Variants in BANF2 observed in about 807,000 individuals in gnomAD.
BANF2 encodes barrier-to-autointegration factor-like protein.
Under a neutral mutation model 8.0 loss-of-function variants are expected in BANF2, and 4 were observed. The observed-to-expected ratio is 0.50, with a 90% CI of 0.25 to 1.14. The LOEUF (loss-of-function observed/expected upper bound fraction) is 1.14, where lower values mean the gene tolerates loss of function less well. BANF2 is among the 50% of genes most tolerant of loss of function. The pLI, the probability that BANF2 is intolerant of heterozygous loss-of-function variation, is 0.16. For missense variants in BANF2, 96 were observed against 107.5 expected (o/e 0.89, Z 0.47); for synonymous variants, 50 against 40.6 (o/e 1.23, Z -0.88).
At chr20:17,702,720 T>C (rs2037427211) in intron 1 of BANF2, among the ~76,000 whole-genome samples, 1 of 152,224 alleles carries the variant, frequency 6.6e-6, no homozygotes, top group Non-Finnish European at 1.5e-5. Context: ...AATGGAATAC[T>C]AAGCCCAAGA....
intron 1 of BANF2, among the ~76,000 whole-genome samples, chr20:17,706,530 G>A (rs966441974): frequency 1.3e-5 from 2 of 152,136 alleles, no homozygotes; most frequent in Non-Finnish European, 2.9e-5. Flanking sequence ...GGCAAATGGG[G>A]CTCAGATATG....
chr20:17,726,188 AT>A (rs1330037024), intron 3 of BANF2, among the ~76,000 whole-genome samples: 1 of 152,070 alleles, frequency 6.6e-6, no homozygotes, highest in Non-Finnish European at 1.5e-5. Flanking sequence ...TTTATTATTT[AT>A]TTATTTATTT....
At chr20:17,695,334 T>C (rs6111617), upstream of BANF2, among the ~76,000 whole-genome samples, 24,370 of 149,972 alleles carry the variant, frequency 0.16, 2,065 homozygotes, top group Middle Eastern at 0.25. Context: ...TGCCTGTAAT[T>C]ACTCGGGAGG....
At position 17,694,473 on chromosome 20, in the gene BANF2, A is replaced by G. The variant is rs111229672; in HGVS notation, c.18+767A>G. Among the ~76,000 whole-genome samples, 442 of 152,238 alleles carry G rather than the reference A, an allele frequency of 2.9e-3. 3 individuals carry two copies. Among genetic ancestry groups the G allele is most frequent in the African/African-American group, 0.01 (417 of 41,528 alleles). ...GGAAGCTGGTGAGGAAGTAGTGCTC[A>G]TGAGCAAGGAGTTAAGAGGTCAGAA... On this transcript the variant is annotated intron_variant, in intron 1 of 2. Coordinates refer to the BANF2 transcript ENST00000545418.
At chr20:17,729,755 G>A (rs1284175720) in intron 3 of BANF2, among the ~76,000 whole-genome samples, 1 of 152,126 alleles carries the variant, frequency 6.6e-6, no homozygotes, top group East Asian at 1.9e-4. Context: ...AAAGGTGGAC[G>A]CTAGTTTGTC....
chr20:17,727,662 G>C (rs891828429), intron 3 of BANF2, among the ~76,000 whole-genome samples: 1 of 152,006 alleles, frequency 6.6e-6, no homozygotes. Context: ...CAGCATCCTG[G>C]GCGGGCAGAT....
upstream of BANF2, among the ~76,000 whole-genome samples, chr20:17,697,873 A>G (rs980196777): frequency 9.9e-5 from 15 of 152,116 alleles, no homozygotes; most frequent in Admixed American, 6.5e-5. Context: ...TGCTGTACTC[A>G]TGATAGTGAG....
chr20:17,733,490 TTAA>T (rs1446080746), intron 3 of BANF2, among the ~76,000 whole-genome samples: 11 of 152,224 alleles, frequency 7.2e-5, no homozygotes, highest in African/African-American at 1.2e-4. Flanking sequence ...TTAATTATTG[TTAA>T]TTATTATTAA....
intron 1 of BANF2, among the ~76,000 whole-genome samples, chr20:17,718,526 A>C (rs886859829): frequency 6.6e-6 from 1 of 152,186 alleles, no homozygotes; most frequent in Non-Finnish European, 1.5e-5. Flanking sequence ...CCAATGGTGG[A>C]AGAGATGTCC....
intron 2 of BANF2, 88 bp from the exon 3 acceptor site, chr20:17,724,935 G>T (rs1600225910): frequency 1.5e-6 from 2 of 1,340,522 alleles, no homozygotes; most frequent in Non-Finnish European, 1.0e-6. Flanking sequence ...CCAGTCCCTT[G>T]GTGGGCTGAG....
At chr20:17,724,447 C>T (rs2122632433) in intron 2 of BANF2, among the ~76,000 whole-genome samples, 1 of 152,264 alleles carries the variant, frequency 6.6e-6, no homozygotes, top group Admixed American at 6.5e-5. Context: ...TGAGGGGAGC[C>T]AAGCAAGAAT....
At chr20:17,695,140 T>C (rs907518326), upstream of BANF2, among the ~76,000 whole-genome samples, 2 of 152,038 alleles carry the variant, frequency 1.3e-5, no homozygotes, top group African/African-American at 4.8e-5. Flanking sequence ...TTTTAAAAAA[T>C]GAACATTTTT....
upstream of BANF2, among the ~76,000 whole-genome samples, chr20:17,699,687 C>T (rs985002884): frequency 8.5e-5 from 13 of 152,156 alleles, no homozygotes; most frequent in African/African-American, 2.2e-4. Context: ...GAATAGGAAC[C>T]GTGGCAGCAA....
chr20:17,707,558 A>T (rs1273643738), intron 1 of BANF2, among the ~76,000 whole-genome samples: 1 of 152,078 alleles, frequency 6.6e-6, no homozygotes, highest in Non-Finnish European at 1.5e-5. Flanking sequence ...GTTCAAGATG[A>T]GAATGACCTG....
At chr20:17,728,369 C>T (rs6111639) in intron 3 of BANF2, among the ~76,000 whole-genome samples, 3,772 of 152,320 alleles carry the variant, frequency 0.025, 138 homozygotes, top group African/African-American at 0.077. Context: ...CAGCCATCGG[C>T]TCTCTCTAGA....
chr20:17,709,560 C>T (rs1250492419), intron 1 of BANF2, among the ~76,000 whole-genome samples: 1 of 152,148 alleles, frequency 6.6e-6, no homozygotes, highest in African/African-American at 2.4e-5. Context: ...TGTTTTGGGG[C>T]AGCCAACTGC....
chr20:17,719,416 G>A (rs2037698605), intron 1 of BANF2, among the ~76,000 whole-genome samples: 2 of 152,182 alleles, frequency 1.3e-5, no homozygotes, highest in South Asian at 4.1e-4. Flanking sequence ...ATAGGTGTGA[G>A]CCACCACACC....
chr20:17,719,232 C>G (rs1194302111), intron 1 of BANF2, among the ~76,000 whole-genome samples: 1 of 152,220 alleles, frequency 6.6e-6, no homozygotes, highest in Non-Finnish European at 1.5e-5. Flanking sequence ...TCAAGTGAGT[C>G]TCCCGTCTCA....
intron 2 of BANF2, 126 bp from the exon 3 acceptor site, chr20:17,724,897 G>A: frequency 1.0e-6 from 1 of 994,168 alleles, no homozygotes; most frequent in Admixed American, 2.6e-5. Flanking sequence ...AATGCTGGAT[G>A]ATGGAAGGAA....
Sources: gnomAD v4.1 joint callset for allele counts (sites outside exome capture counted in the v4.1 genomes callset) on GRCh38, gnomAD v4.1.1 for gene constraint, MANE v1.5 for transcripts, NCBI Gene and HGNC (gene_info 2026-07-23, HGNC 2026-07-21) for gene names.